Variants in ACAP1 observed in about 807,000 individuals in gnomAD.
ACAP1 encodes the protein ArfGAP with coiled-coil, ankyrin repeat and PH domains 1, also known as arf-GAP with coiled-coil, ANK repeat and PH domain-containing protein 1.
A neutral mutation model predicts 98.8 loss-of-function variants in ACAP1; 45 were observed. The observed-to-expected ratio is 0.46, with a 90% CI of 0.36 to 0.58. The LOEUF (loss-of-function observed/expected upper bound fraction) is 0.58. Ranked by LOEUF, ACAP1 falls within the 20% of genes least tolerant of loss-of-function variation. The pLI is 0.00. For synonymous variants in ACAP1, 362 were observed against 375.3 expected (o/e 0.96, Z 0.41); for missense variants, 735 against 971.4 (o/e 0.76, Z 3.24).
chr17:7,348,026 A>G, intron 15 of ACAP1, 35 bp downstream of exon 15: 1 of 1,613,042 alleles, frequency 6.2e-7, no homozygotes, highest in South Asian at 1.1e-5. Flanking sequence ...GGGGGCAAGA[A>G]CTTGGGGTGG....
intron 13 of ACAP1, 24 bp from the exon 14 acceptor site, chr17:7,347,007 C>A (rs779072978): frequency 1.8e-5 from 29 of 1,568,710 alleles, no homozygotes; most frequent in Middle Eastern, 1.7e-4. Flanking sequence ...CCTTGGCCAC[C>A]CTTTCTTCCC....
chr17:7,348,565 G>A, intron 17 of ACAP1, 90 bp downstream of exon 17: 2 of 1,357,846 alleles, frequency 1.5e-6, no homozygotes, highest in Non-Finnish European at 1.9e-6. Flanking sequence ...GTGAAGCCCA[G>A]GCCTTCCGCT....
At chr17:7,337,623 G>A (rs1412885748) in intron 2 of ACAP1, among the ~76,000 whole-genome samples, 3 of 152,190 alleles carry the variant, frequency 2.0e-5, no homozygotes, top group Non-Finnish European at 4.4e-5. Context: ...GGAGGCCAAG[G>A]TGAATGGATC....
chr17:7,342,082 T>G lies in ACAP1; in HGVS notation c.231+15T>G. 6.2e-7 allele frequency: 1 copy of G among 1,613,148 alleles called. No homozygotes were observed. Among genetic ancestry groups the G allele is most frequent in the Non-Finnish European group, 8.5e-7 (1 of 1,179,512 alleles). On this transcript the variant is annotated intron_variant, in intron 3 of 21. Transcript: ENST00000158762. The stretch of plus-strand genomic sequence containing the variant: ...CCATGATGGCGGTATGCGGAGGGTC[T>G]GCATCTGGGAGGGAAGGGGTCTGGG...
At position 7,348,438 on chromosome 17, in the gene ACAP1, C is replaced by A; in HGVS notation, c.1641C>A (p.Ser547=). Reference sequence around the variant, plus strand: ...AGCCTCCTGTGCCCCCAAAGCCTTCCATCAGGCCCCGGCCAGGGAGCTTGA... The same window carrying A: ...AGCCTCCTGTGCCCCCAAAGCCTTCAATCAGGCCCCGGCCAGGGAGCTTGA... ...RGQPPVPPKP[S]IRPRPGSLRS... The change falls in exon 17 of 22, where the codon TCC becomes TCA. Residue 547 remains serine, a synonymous_variant. Transcript: ENST00000158762. The A allele has an allele frequency of 2.1e-5, 32 of 1,498,028 alleles. No individual in the cohort carries two copies. Among genetic ancestry groups the A allele is most frequent in the Non-Finnish European group, 2.5e-5 (28 of 1,124,724 alleles). The allele number at this position is 1,498,028 out of a possible 1,614,324, so 92.8% of individuals were successfully genotyped here.
Position 7,347,960 on chromosome 17 carries a change from C to G in ACAP1, c.1382C>G (p.Thr461Ser). 6.2e-7 allele frequency: 1 copy of G among 1,614,196 alleles called. No homozygotes were observed. Among genetic ancestry groups the G allele is most frequent in the Non-Finnish European group, 8.5e-7 (1 of 1,180,028 alleles). ...CACTTCTCCAAAGTCCGGTCTCTGA[C>G]CCTTGACTCATGGGAGCCAGAACTA... is the stretch of plus-strand genomic sequence containing the variant. ...GVHFSKVRSL[T>S]LDSWEPELVK... The change falls in exon 15 of 22, where the codon ACC becomes AGC. Residue 461 changes from threonine to serine, a missense_variant. Around this residue, in one of 5 missense-constraint regions of ACAP1, gnomAD observed 81 missense variants for 132.0 expected, o/e 0.61. Transcript: ENST00000158762.
Position 7,336,614 on chromosome 17 carries a change from C to A in ACAP1, c.-121C>A. 9.6e-7 allele frequency: 1 copy of A among 1,045,776 alleles called. No homozygotes were observed. Among genetic ancestry groups the A allele is most frequent in the South Asian group, 1.3e-5 (1 of 77,498 alleles). The allele number at this position is 1,045,776 out of a possible 1,614,324, so 64.8% of individuals were successfully genotyped here. ...AAGAATTGTGCCCCCAGGCCCTTCC[C>A]CGCGGAGGTCCCTCTCCTCCTTCCC... On this transcript the variant is annotated 5_prime_UTR_variant, in exon 1 of 22. Transcript: ENST00000158762.
At chr17:7,351,036 A>C (rs748014713) in intron 21 of ACAP1, 37 bp downstream of exon 21, 4 of 1,601,584 alleles carry the variant, frequency 2.5e-6, no homozygotes, top group Non-Finnish European at 2.6e-6. Context: ...CAGGCCCAAC[A>C]CCTGAACTCT....
rs1292404134 is a variant in ACAP1, at chr17:7,344,852, A to C, written c.854+204A>C. ...TGATAGTGCTTGCTATAGGAGAAAGATGATAAAGCAAGGGATGTGGGGAGC... is the reference window on the plus strand; with the variant it reads ...TGATAGTGCTTGCTATAGGAGAAAGCTGATAAAGCAAGGGATGTGGGGAGC... On this transcript the variant is annotated intron_variant, in intron 10 of 21. Transcript: ENST00000158762. The surrounding 1 kb of genome is among the most constrained non-coding windows in gnomAD (Gnocchi z 4.9). 6.6e-6 allele frequency among the ~76,000 whole-genome samples: 1 copy of C among 152,170 alleles called. No individual in the cohort carries two copies. The highest frequency in any genetic ancestry group is 2.4e-5 in the African/African-American group (1 of 41,438).
chr17:7,343,347 G>C lies in ACAP1; in HGVS notation c.345-32G>C. On this transcript the variant is annotated intron_variant, in intron 5 of 21. Coordinates refer to ENST00000158762, the MANE Select transcript of ACAP1 (RefSeq NM_014716.4). The surrounding 1 kb of genome is among the most constrained non-coding windows in gnomAD (Gnocchi z 4.9). ...GCTCTGCTGGGGCAGGTGGGTGTTA[G>C]CTGCGATTCTGTGTTATTTTCCCAT... 2.5e-6 allele frequency: 4 copies of C among 1,590,998 alleles called. No homozygotes were observed. Among genetic ancestry groups the C allele is most frequent in the Non-Finnish European group, 3.4e-6 (4 of 1,166,560 alleles).
chr17:7,351,450 C>T lies in ACAP1; in HGVS notation c.*55C>T, dbSNP rs2073409862. The T allele has an allele frequency of 5.4e-6, 7 of 1,303,744 alleles. No homozygotes were observed. Among genetic ancestry groups the T allele is most frequent in the Non-Finnish European group, 7.6e-6 (7 of 921,142 alleles). The allele number at this position is 1,303,744 out of a possible 1,614,324, so 80.8% of individuals were successfully genotyped here. A position where few individuals can be genotyped will look rare whatever the true frequency, so the allele number is the denominator to read the frequency against. On this transcript the variant is annotated 3_prime_UTR_variant, in exon 22 of 22. Coordinates refer to ENST00000158762, the MANE Select transcript of ACAP1 (RefSeq NM_014716.4). The stretch of plus-strand genomic sequence containing the variant: ...CCCTTCCCCGCCACCGGGCCCTCTG[C>T]CATTAAAGCCTCCGTGCTTCGCTCT...
At chr17:7,349,216 A>C in intron 18 of ACAP1, 49 bp downstream of exon 18, 1 of 1,597,346 alleles carries the variant, frequency 6.3e-7, no homozygotes. Flanking sequence ...TCTGACACCT[A>C]CTCCTGACTC....
intron 2 of ACAP1, among the ~76,000 whole-genome samples, chr17:7,341,170 A>G (rs1461829599): frequency 6.6e-6 from 1 of 152,234 alleles, no homozygotes; most frequent in African/African-American, 2.4e-5. Flanking sequence ...TTATTTTTCG[A>G]GACAGAGTCT....
At chr17:7,341,893 A>C (rs922543240) in intron 2 of ACAP1, 55 bp from the exon 3 acceptor site, 11 of 1,605,518 alleles carry the variant, frequency 6.9e-6, no homozygotes, top group Admixed American at 1.7e-5. Context: ...GTGTGGGGGC[A>C]TCACCAGGTG....
chr17:7,344,258 T>A lies in ACAP1; in HGVS notation c.744+135T>A. 1 of 1,047,512 alleles carries A rather than the reference T, an allele frequency of 9.5e-7. No individual in the cohort carries two copies. Among genetic ancestry groups the A allele is most frequent in the Non-Finnish European group, 1.4e-6 (1 of 716,008 alleles). The allele number at this position is 1,047,512 out of a possible 1,614,324, so 64.9% of individuals were successfully genotyped here. A position where few individuals can be genotyped will look rare whatever the true frequency, so the allele number is the denominator to read the frequency against. On this transcript the variant is annotated intron_variant, in intron 9 of 21. Transcript: ENST00000158762. This position sits in a 1 kb window ranked among gnomAD's most constrained non-coding sequence, Gnocchi z 4.9. ...GAAACTCCATCTCTACAGAAAATTT[T>A]AAAATTAGCTGGTGTGGTGGCATGC... is the stretch of plus-strand genomic sequence containing the variant.
Position 7,336,773 on chromosome 17 carries a change from C to G in ACAP1, c.39C>G (p.Asp13Glu). Residue 13 changes from aspartate (D) to glutamate (E), a missense_variant, in exon 1 of 22, where the codon GAC becomes GAG. By Grantham distance (45) the Asp-to-Glu change is conservative. Around this residue, in one of 5 missense-constraint regions of ACAP1, gnomAD observed 430 missense variants for 531.8 expected, o/e 0.81. Coordinates refer to ENST00000158762, the MANE Select transcript of ACAP1 (RefSeq NM_014716.4). ...VKLDFEECLK[D>E]SPRFRASIEL... Reference sequence around the variant, plus strand: ...TGGATTTCGAGGAGTGTCTCAAGGACTCACCCCGTTTCCGGTAAGTGTGAA... The same window carrying G: ...TGGATTTCGAGGAGTGTCTCAAGGAGTCACCCCGTTTCCGGTAAGTGTGAA... The G allele has an allele frequency of 6.2e-7, 1 of 1,613,942 alleles. No homozygotes were observed. Among genetic ancestry groups the G allele is most frequent in the Non-Finnish European group, 8.5e-7 (1 of 1,179,870 alleles).
intron 17 of ACAP1, chr17:7,348,701 GGAGA>G (rs201477431): frequency 5.0e-6 from 3 of 596,032 alleles, no homozygotes; most frequent in Non-Finnish European, 8.5e-6. Flanking sequence ...CACAAGAAAA[GGAGA>G]GAGAGAGGGG....
chr17:7,340,410 G>T (rs2073264316), intron 2 of ACAP1, among the ~76,000 whole-genome samples: 1 of 152,198 alleles, frequency 6.6e-6, no homozygotes, highest in Non-Finnish European at 1.5e-5. Flanking sequence ...CCAGTGTTAT[G>T]AAAGTTTCTT....
At position 7,346,858 on chromosome 17, in the gene ACAP1, G is replaced by A; in HGVS notation, c.1058G>A (p.Ser353Asn). The part of the protein sequence containing the change: ...DSERLLQLWV[S>N]AVQSSIASAF... The stretch of plus-strand genomic sequence containing the variant: ...GAGCGCCTCCTGCAGCTGTGGGTCA[G>A]TGCTGTGCAGAGCAGCATTGCTTCT... The change falls in exon 13 of 22, where the codon AGT becomes AAT. Residue 353 changes from serine to asparagine, a missense_variant. Physicochemically the swap from Ser to Asn is conservative, Grantham distance 46. Transcript: ENST00000158762. 6 of 1,613,760 alleles carry A rather than the reference G, an allele frequency of 3.7e-6. No individual in the cohort carries two copies. The highest frequency in any genetic ancestry group is 5.1e-6 in the Non-Finnish European group (6 of 1,179,726).
Sources: gnomAD v4.1 joint callset for allele counts (sites outside exome capture counted in the v4.1 genomes callset) on GRCh38, gnomAD v4.1.1 for gene constraint, gnomAD v4.1.1 regional missense constraint, Gnocchi (gnomAD v3.1) non-coding constraint, MANE v1.5 for transcripts, NCBI Gene and HGNC (gene_info 2026-07-23, HGNC 2026-07-21) for gene names.